The following ITGA8 variants were observed in gnomAD, a reference collection of about 807,000 sequenced individuals.
ITGA8 encodes integrin alpha-8.
ITGA8 carries 91 observed loss-of-function variants against 142.3 expected under a neutral mutation model. The observed-to-expected ratio is 0.64, with a 90% CI of 0.54 to 0.76. The LOEUF is 0.76. Ranked by LOEUF, ITGA8 falls within the 30% of genes least tolerant of loss-of-function variation. The pLI is 0.00. For missense variants in ITGA8, 1,406 were observed against 1,327.7 expected, an observed-to-expected ratio of 1.06 and a Z score of -0.92; for synonymous variants, 505 against 485.2, an observed-to-expected ratio of 1.04 and a Z score of -0.54.
intron 2 of ITGA8, among the ~76,000 whole-genome samples, chr10:15,704,613 C>A (rs1835224126): frequency 6.6e-6 from 1 of 152,166 alleles, no homozygotes; most frequent in African/African-American, 2.4e-5. Context: ...GTCATAGGTA[C>A]AGCTGGGGAA....
chr10:15,694,492 T>G (rs1329159636), intron 2 of ITGA8, among the ~76,000 whole-genome samples: 2 of 136,998 alleles, frequency 1.5e-5, no homozygotes, highest in Non-Finnish European at 3.0e-5. Flanking sequence ...ATATCTATAA[T>G]ATATAAAAAT....
intron 27 of ITGA8, among the ~76,000 whole-genome samples, chr10:15,545,211 C>T (rs1002951705): frequency 3.3e-5 from 5 of 152,236 alleles, no homozygotes; most frequent in African/African-American, 1.2e-4. Flanking sequence ...CCCAAGTCTT[C>T]CTCACCATTT....
rs1302017430 is a variant in ITGA8 at position 15,678,706 on chromosome 10, G to C, written c.630+16C>G. The C allele has an allele frequency of 1.3e-6, 2 of 1,591,430 alleles. No homozygotes were observed. The highest frequency in any genetic ancestry group is 1.7e-6 in the Non-Finnish European group (2 of 1,160,296). ...TCAGATTAAATATTAGGAACTGCGA[G>C]ACCAAAATAATTCACCTTATAAAAA... On this transcript the variant is annotated intron_variant, in intron 5 of 29. Transcript: ENST00000378076.
intron 26 of ITGA8, among the ~76,000 whole-genome samples, chr10:15,549,199 CTGTTTTTTT>C (rs1833740737): frequency 2.0e-5 from 1 of 48,848 alleles, no homozygotes; most frequent in African/African-American, 8.7e-5. Flanking sequence ...CTTTTCTTTT[CTGTTTTTTT>C]TTTTTTTTTT....
At chr10:15,678,660 G>C in intron 5 of ITGA8, 62 bp downstream of exon 5, 1 of 1,114,524 alleles carries the variant, frequency 9.0e-7, no homozygotes, top group Non-Finnish European at 1.4e-6. Context: ...GTGGGAGTGA[G>C]AGGCAGAGGG....
At chr10:15,517,328 A>ATTTT in intron 29 of ITGA8, 84 bp from the exon 30 acceptor site, 1 of 719,966 alleles carries the variant, frequency 1.4e-6, no homozygotes, top group Non-Finnish European at 2.2e-6. Context: ...CACTTTATGT[A>ATTTT]TTTTTTTTTT....
Position 15,519,276 on chromosome 10 carries a change from G to A in ITGA8, c.3105+14C>T. 1 of 1,612,780 alleles carries A rather than the reference G, an allele frequency of 6.2e-7. No individual in the cohort carries two copies. The highest frequency in any genetic ancestry group is 8.5e-7 in the Non-Finnish European group (1 of 1,179,600). ...CCCTCTAGTTTAAAAGGAAAACAAA[G>A]TAAATCAACTTACCTTCCATAAAGC... On this transcript the variant is annotated intron_variant, in intron 29 of 29. Coordinates refer to ENST00000378076, the MANE Select transcript of ITGA8 (RefSeq NM_003638.3).
At chr10:15,676,785 G>T (rs1834638440) in intron 6 of ITGA8, among the ~76,000 whole-genome samples, 1 of 152,146 alleles carries the variant, frequency 6.6e-6, no homozygotes, top group African/African-American at 2.4e-5. Flanking sequence ...GAGGCGGGTG[G>T]ATCACCAGAG....
chr10:15,687,110 G>C (rs1168833504), intron 3 of ITGA8, among the ~76,000 whole-genome samples: 1 of 152,132 alleles, frequency 6.6e-6, no homozygotes, highest in African/African-American at 2.4e-5. Flanking sequence ...TAACTGGAGA[G>C]GGCTGTATAC....
At chr10:15,638,579 C>G (rs1833813629) in intron 13 of ITGA8, among the ~76,000 whole-genome samples, 1 of 152,198 alleles carries the variant, frequency 6.6e-6, no homozygotes, top group Non-Finnish European at 1.5e-5. Flanking sequence ...ATGGGAAAAC[C>G]AACCCCATCA....
At chr10:15,704,142 T>G (rs1480942280) in intron 2 of ITGA8, among the ~76,000 whole-genome samples, 2 of 152,234 alleles carry the variant, frequency 1.3e-5, no homozygotes, top group Non-Finnish European at 2.9e-5. Flanking sequence ...TGCTTCCTTT[T>G]GTTATCTCCC....
intron 2 of ITGA8, among the ~76,000 whole-genome samples, chr10:15,707,711 T>A (rs1438155504): frequency 1.3e-5 from 2 of 151,408 alleles, no homozygotes; most frequent in African/African-American, 4.9e-5. Flanking sequence ...TAATCCCAGC[T>A]ACTCAGGAGG....
intron 2 of ITGA8, among the ~76,000 whole-genome samples, chr10:15,707,176 G>A (rs1401286038): frequency 6.6e-6 from 1 of 152,222 alleles, no homozygotes; most frequent in Non-Finnish European, 1.5e-5. Context: ...AGGCTACGTG[G>A]CAAAGAGGGA....
At chr10:15,658,422 C>T (rs1364365368) in intron 10 of ITGA8, among the ~76,000 whole-genome samples, 1 of 152,162 alleles carries the variant, frequency 6.6e-6, no homozygotes, top group African/African-American at 2.4e-5. Flanking sequence ...GCCCACCTCC[C>T]CCACCAGTCT....
At chr10:15,531,930 A>C (rs1833307571) in intron 27 of ITGA8, among the ~76,000 whole-genome samples, 1 of 151,660 alleles carries the variant, frequency 6.6e-6, no homozygotes, top group Non-Finnish European at 1.5e-5. Context: ...GGGCAACAGG[A>C]TCAAAACTCT....
chr10:15,709,552 A>G (rs958323622), intron 2 of ITGA8, among the ~76,000 whole-genome samples: 2 of 152,228 alleles, frequency 1.3e-5, no homozygotes, highest in Non-Finnish European at 2.9e-5. Context: ...GTTTATCTGG[A>G]TGTCTTGACT....
chr10:15,615,842 A>C (rs1159420034), intron 14 of ITGA8, among the ~76,000 whole-genome samples: 1 of 152,074 alleles, frequency 6.6e-6, no homozygotes, highest in Non-Finnish European at 1.5e-5. Flanking sequence ...AAAGAAGCTA[A>C]AGTTGAGCAC....
chr10:15,518,446 C>T (rs965422346), intron 29 of ITGA8, among the ~76,000 whole-genome samples: 5 of 152,194 alleles, frequency 3.3e-5, no homozygotes, highest in East Asian at 3.8e-4. Flanking sequence ...GAGCTGATAA[C>T]GATCAGAAAC....
At position 15,626,501 on chromosome 10, in the gene ITGA8, G is replaced by A. The variant is rs146659974; in HGVS notation, c.1400-9942C>T. On this transcript the variant is annotated intron_variant, in intron 13 of 29. Coordinates refer to ENST00000378076, the MANE Select transcript of ITGA8 (RefSeq NM_003638.3). ...CCCAAAGTGCTGGGATTACAGACAT[G>A]AGCCACTGCACCCGGCCTCCTTTCT... is the stretch of plus-strand genomic sequence containing the variant. Among the ~76,000 whole-genome samples the A allele has an allele frequency of 3.3e-3, 495 of 152,224 alleles. 1 individual carries two copies. The highest frequency in any genetic ancestry group is 4.5e-3 in the Non-Finnish European group (308 of 68,006).
Sources: allele counts gnomAD v4.1 joint callset (sites outside exome capture counted in the v4.1 genomes callset), GRCh38; gene constraint gnomAD v4.1.1; transcripts MANE v1.5; gene names NCBI Gene and HGNC (gene_info 2026-07-23, HGNC 2026-07-21).